HTR2C: variants seen among roughly 807,000 people sequenced by gnomAD.
The protein encoded by HTR2C is 5-hydroxytryptamine receptor 2C.
Under a neutral mutation model 21.0 loss-of-function variants are expected in HTR2C, and 5 were observed. That is an observed-to-expected ratio of 0.24 (90% CI 0.12 to 0.50). HTR2C has a LOEUF of 0.50. Ranked by LOEUF, HTR2C falls within the 20% of genes least tolerant of loss-of-function variation. The pLI, the probability that HTR2C is intolerant of heterozygous loss-of-function variation, is 0.98. For synonymous variants in HTR2C, 150 were observed against 145.3 expected, an observed-to-expected ratio of 1.03 and a Z score of -0.23; for missense variants, 271 against 371.2, an observed-to-expected ratio of 0.73 and a Z score of 2.22.
At chrX:114,806,210 A>G (rs2070428652) in intron 4 of HTR2C, among the ~76,000 whole-genome samples, 1 of 99,933 alleles carries the variant, frequency 1.0e-5, no homozygotes, top group South Asian at 4.6e-4. Flanking sequence ...CCATATATAT[A>G]CACTCTATAT....
rs2071394845 is a variant in HTR2C at position 114,908,837 on chromosome X, A to G, written c.*1422A>G. The G allele has an allele frequency of 8.9e-6, 1 of 112,941 alleles. No individual in the cohort carries two copies. Among genetic ancestry groups the G allele is most frequent in the South Asian group, 3.6e-4 (1 of 2,761 alleles). The allele number at this position is 112,941 out of a possible 1,213,427, so 9.3% of individuals were successfully genotyped here. ...AAGCATTGCTAAAGTCAGGCCATTC[A>G]GTCTATGCTGTGTGCAGAGTATACA... On this transcript the variant is annotated 3_prime_UTR_variant, in exon 6 of 6. Transcript: ENST00000276198.
chrX:114,641,046 TTCTTTC>T (rs1482446283), intron 2 of HTR2C, among the ~76,000 whole-genome samples: 1 of 102,557 alleles, frequency 9.8e-6, no homozygotes, highest in Non-Finnish European at 1.9e-5. Context: ...CTTTCTTTCT[TTCTTTC>T]TTTTTTTCTT....
At chrX:114,776,800 C>A in intron 4 of HTR2C, 2 of 265,691 alleles carry the variant, frequency 7.5e-6, no homozygotes, top group South Asian at 1.2e-4. Flanking sequence ...AGGGCCGGCT[C>A]TGACTACAAA....
chrX:114,856,581 G>T (rs939299975), intron 5 of HTR2C, among the ~76,000 whole-genome samples: 1 of 107,433 alleles, frequency 9.3e-6, no homozygotes, highest in Non-Finnish European at 1.9e-5. Flanking sequence ...ATACTACAAG[G>T]CTACAGTAAC....
intron 2 of HTR2C, among the ~76,000 whole-genome samples, chrX:114,657,576 G>C (rs782641528): frequency 9.0e-6 from 1 of 111,582 alleles, no homozygotes; most frequent in East Asian, 2.8e-4. Context: ...CTGTTTTAAT[G>C]TGGTAAGTCT....
intron 4 of HTR2C, among the ~76,000 whole-genome samples, chrX:114,740,462 A>G (rs1039780724): frequency 9.0e-6 from 1 of 111,210 alleles, no homozygotes; most frequent in Admixed American, 9.6e-5. Context: ...ACTAACATCT[A>G]AAGTGTTCAC....
intron 2 of HTR2C, among the ~76,000 whole-genome samples, chrX:114,690,606 A>G (rs2147860362): frequency 9.0e-6 from 1 of 111,560 alleles, no homozygotes; most frequent in South Asian, 3.7e-4. Flanking sequence ...AAATAGATGA[A>G]CCATAAAGGA....
At chrX:114,619,054 G>A (rs1929055228) in intron 2 of HTR2C, among the ~76,000 whole-genome samples, 1 of 111,473 alleles carries the variant, frequency 9.0e-6, no homozygotes, top group South Asian at 3.7e-4. Context: ...AGTATTCTCA[G>A]TGACTTCCTA....
At chrX:114,752,818 C>T (rs1556428500) in intron 4 of HTR2C, among the ~76,000 whole-genome samples, 1 of 110,198 alleles carries the variant, frequency 9.1e-6, no homozygotes, top group African/African-American at 3.3e-5. Context: ...ATTTTCGGAA[C>T]CCAAGAAATT....
chrX:114,761,901 A>C (rs952021231), intron 4 of HTR2C, among the ~76,000 whole-genome samples: 4 of 106,354 alleles, frequency 3.8e-5, no homozygotes, highest in Non-Finnish European at 7.7e-5. Context: ...GTATATATAC[A>C]TATATGTGTA....
At chrX:114,710,329 T>C (rs1359344305) in intron 2 of HTR2C, among the ~76,000 whole-genome samples, 4 of 111,369 alleles carry the variant, frequency 3.6e-5, no homozygotes, top group Non-Finnish European at 5.6e-5. Flanking sequence ...ATACTGCTCA[T>C]GAGAGTATGC....
chrX:114,688,472 CAT>C (rs1180999210), intron 2 of HTR2C, among the ~76,000 whole-genome samples: 79 of 111,580 alleles, frequency 7.1e-4, no homozygotes, highest in African/African-American at 2.6e-3. Context: ...GCAACCATGA[CAT>C]AATTTAAAAA....
intron 1 of HTR2C, among the ~76,000 whole-genome samples, chrX:114,589,402 G>C (rs1244725939): frequency 1.8e-5 from 2 of 111,573 alleles, no homozygotes; most frequent in Non-Finnish European, 3.8e-5. Flanking sequence ...TGTATGTAGA[G>C]ATGACTGGAC....
intron 2 of HTR2C, among the ~76,000 whole-genome samples, chrX:114,649,449 T>C (rs995307072): frequency 1.8e-5 from 2 of 112,079 alleles, no homozygotes; most frequent in African/African-American, 3.2e-5. Flanking sequence ...CTGTAAACAC[T>C]GTTAATGCAG....
intron 4 of HTR2C, among the ~76,000 whole-genome samples, chrX:114,733,598 G>GAA (rs370070010): frequency 5.2e-5 from 5 of 96,737 alleles, no homozygotes; most frequent in Admixed American, 1.1e-4. Context: ...GAGGTGACTT[G>GAA]AAAAAAAAAA....
chrX:114,840,783 T>C (rs2070827123), intron 4 of HTR2C, among the ~76,000 whole-genome samples: 2 of 111,737 alleles, frequency 1.8e-5, no homozygotes, highest in South Asian at 7.6e-4. Context: ...GCACCATTTA[T>C]AATGGAAAAA....
chrX:114,592,901 A>C (rs1927689352), intron 1 of HTR2C, among the ~76,000 whole-genome samples: 1 of 112,119 alleles, frequency 8.9e-6, no homozygotes, highest in Admixed American at 9.5e-5. Flanking sequence ...GTAGCTGCTG[A>C]ATATCAGAAT....
intron 5 of HTR2C, among the ~76,000 whole-genome samples, chrX:114,901,351 A>G (rs1214606687): frequency 8.9e-6 from 1 of 112,128 alleles, no homozygotes; most frequent in Non-Finnish European, 1.9e-5. Flanking sequence ...GAAATGAGAT[A>G]ATGCATGTAA....
intron 4 of HTR2C, among the ~76,000 whole-genome samples, chrX:114,766,068 C>T (rs2069945125): frequency 9.0e-6 from 1 of 111,572 alleles, no homozygotes; most frequent in Non-Finnish European, 1.9e-5. Context: ...CTCTGTCTTT[C>T]AAAGAGAGGA....
Sources: gnomAD v4.1 joint callset for allele counts (sites outside exome capture counted in the v4.1 genomes callset) on GRCh38, gnomAD v4.1.1 for gene constraint, MANE v1.5 for transcripts, NCBI Gene and HGNC (gene_info 2026-07-23, HGNC 2026-07-21) for gene names.